TFG: variants seen among roughly 807,000 people sequenced by gnomAD.
TFG encodes trafficking from ER to golgi regulator, also known as protein TFG.
A neutral mutation model predicts 51.4 loss-of-function variants in TFG; 22 were observed. That is an observed-to-expected ratio of 0.43 (90% CI 0.31 to 0.61). The LOEUF is 0.61. Among genes scored for constraint, TFG ranks in the 20% least tolerant of loss-of-function variants. TFG has a pLI of 0.12. For missense variants in TFG, 419 were observed against 487.7 expected, an observed-to-expected ratio of 0.86 and a Z score of 1.33; for synonymous variants, 187 against 165.6, an observed-to-expected ratio of 1.13 and a Z score of -0.99.
chr3:100,716,679 C>T (rs1187009278), intron 2 of TFG, among the ~76,000 whole-genome samples: 1 of 152,160 alleles, frequency 6.6e-6, no homozygotes, highest in African/African-American at 2.4e-5. Context: ...GTTCCCTTTT[C>T]TCTTCATTCT....
intron 3 of TFG, among the ~76,000 whole-genome samples, chr3:100,726,924 T>G (rs377690337): frequency 5.5e-4 from 84 of 152,296 alleles, no homozygotes; most frequent in African/African-American, 1.9e-3. Flanking sequence ...GAGGAATGAA[T>G]CTTACTAAAT....
intron 2 of TFG, among the ~76,000 whole-genome samples, chr3:100,718,778 G>A (rs943646542): frequency 3.3e-5 from 5 of 151,820 alleles, no homozygotes; most frequent in Admixed American, 6.6e-5. Flanking sequence ...GGCTGGTCTC[G>A]AACTCCTGAC....
intron 3 of TFG, 39 bp downstream of exon 3, chr3:100,720,097 C>G: frequency 7.8e-7 from 1 of 1,281,652 alleles, no homozygotes; most frequent in Non-Finnish European, 1.1e-6. Context: ...CTATTTTATT[C>G]ATTGTATTTT....
chr3:100,744,660 C>T (rs995756151), intron 6 of TFG, 173 bp from the exon 7 acceptor site: 3 of 476,828 alleles, frequency 6.3e-6, no homozygotes, highest in African/African-American at 4.0e-5. Flanking sequence ...AGGAATCACA[C>T]TTCTAAAATG....
At chr3:100,739,900 CCAGGTTGGAGTGTACTGGCTTGATTA>C in intron 6 of TFG, among the ~76,000 whole-genome samples, 1 of 152,092 alleles carries the variant, frequency 6.6e-6, no homozygotes, top group East Asian at 1.9e-4. Flanking sequence ...ACTCTGTTGC[CCAGGTTGGAGTGTACTGGCTTGATTA>C]CAGCTCACCT....
chr3:100,713,903 T>A, intron 2 of TFG, 34 bp downstream of exon 2: 2 of 1,221,762 alleles, frequency 1.6e-6, no homozygotes, highest in Non-Finnish European at 2.2e-6. Flanking sequence ...TTTTAAAGTC[T>A]TTTTAAAAAA....
intron 6 of TFG, 75 bp downstream of exon 6, chr3:100,736,791 C>T (rs2095107909): frequency 6.8e-7 from 1 of 1,468,180 alleles, no homozygotes; most frequent in Admixed American, 1.9e-5. Flanking sequence ...GTTGTAAACA[C>T]TTCATGTATT....
intron 7 of TFG, among the ~76,000 whole-genome samples, chr3:100,746,630 C>CAT (rs2095135691): frequency 6.6e-6 from 1 of 151,696 alleles, no homozygotes; most frequent in South Asian, 2.1e-4. Flanking sequence ...CACACACACA[C>CAT]ATGATAGAAG....
At chr3:100,733,624 C>G (rs923934518) in intron 5 of TFG, among the ~76,000 whole-genome samples, 1 of 152,038 alleles carries the variant, frequency 6.6e-6, no homozygotes, top group African/African-American at 2.4e-5. Context: ...ACACACACTC[C>G]CCCCAACTCC....
intron 3 of TFG, among the ~76,000 whole-genome samples, chr3:100,723,829 C>T (rs2095067448): frequency 6.6e-6 from 1 of 150,590 alleles, no homozygotes; most frequent in Admixed American, 6.6e-5. Context: ...GGGAGAAATA[C>T]AGTTTTTTTT....
chr3:100,730,197 C>G (rs760197199), intron 4 of TFG, among the ~76,000 whole-genome samples: 31 of 152,096 alleles, frequency 2.0e-4, no homozygotes, highest in Middle Eastern at 6.8e-3. Context: ...GAGAATTTAA[C>G]CAGTATAGCC....
Position 100,728,840 on chromosome 3 carries a change from A to C in TFG, c.397A>C (p.Thr133Pro). The C allele has an allele frequency of 6.2e-7, 1 of 1,604,810 alleles. No individual in the cohort carries two copies. Among genetic ancestry groups the C allele is most frequent in the Non-Finnish European group, 8.5e-7 (1 of 1,176,372 alleles). Residue 133 changes from threonine (T) to proline (P), a missense_variant, in exon 4 of 8, where the codon ACC (threonine) becomes CCC (proline). Physicochemically the swap from Thr to Pro is conservative, Grantham distance 38. Around this residue, in one of 3 missense-constraint regions of TFG, gnomAD observed 391 missense variants for 434.4 expected, o/e 0.90. Transcript: ENST00000240851. ...ACCACCTGGAGAACCAGGACCTTCC[A>C]CCAATATTCCTGAAAATGGTAAACC... The part of the protein sequence containing the change: ...LEPPGEPGPS[T>P]NIPENDTVDG...
intron 4 of TFG, 108 bp downstream of exon 4, chr3:100,728,966 T>C (rs1275043932): frequency 1.0e-6 from 1 of 960,042 alleles, no homozygotes; most frequent in Non-Finnish European, 1.5e-6. Flanking sequence ...ATGTCACTCT[T>C]GTTTCTTCCT....
intron 4 of TFG, among the ~76,000 whole-genome samples, chr3:100,730,950 A>G (rs2095089932): frequency 6.6e-6 from 1 of 152,198 alleles, no homozygotes; most frequent in Non-Finnish European, 1.5e-5. Context: ...GGTAGGGAAG[A>G]TAGATAACTG....
intron 3 of TFG, among the ~76,000 whole-genome samples, chr3:100,720,592 C>T (rs960309737): frequency 1.3e-5 from 2 of 152,210 alleles, no homozygotes; most frequent in African/African-American, 4.8e-5. Flanking sequence ...TCTAATGCCA[C>T]TGCTGAACTG....
At chr3:100,746,509 TAAAA>T (rs986010186) in intron 7 of TFG, among the ~76,000 whole-genome samples, 4 of 149,090 alleles carry the variant, frequency 2.7e-5, no homozygotes, top group Non-Finnish European at 4.5e-5. Flanking sequence ...TCCTATGTAT[TAAAA>T]AAAAAACTCA....
chr3:100,733,816 C>T (rs531634711), intron 5 of TFG, among the ~76,000 whole-genome samples: 1 of 152,062 alleles, frequency 6.6e-6, no homozygotes, highest in Non-Finnish European at 1.5e-5. Context: ...GAAAAGCGCT[C>T]TCTAAAAGAA....
chr3:100,748,225 A>T lies in TFG; in HGVS notation c.897A>T (p.Ala299=). Residue 299 remains alanine, a synonymous_variant, in exon 8 of 8, where the codon GCA becomes GCT. Coordinates refer to ENST00000240851, the MANE Select transcript of TFG (RefSeq NM_006070.6). ...ATGGCCAGCAACCAACTTCCCAGGC[A>T]CCAGCTCCTGCCTTTTCTGGTCAGC... is the stretch of plus-strand genomic sequence containing the variant. ...QGYGQQPTSQ[A]PAPAFSGQPQ... is the part of the protein sequence containing the mutation. The T allele has an allele frequency of 6.2e-7, 1 of 1,614,124 alleles. No homozygotes were observed.
At chr3:100,736,528 G>T in intron 5 of TFG, 48 bp from the exon 6 acceptor site, 1 of 1,591,068 alleles carries the variant, frequency 6.3e-7, no homozygotes. Flanking sequence ...GCTTGCTGGG[G>T]GAAGGCCTTG....
Sources: gnomAD v4.1 joint callset for allele counts (sites outside exome capture counted in the v4.1 genomes callset) on GRCh38, gnomAD v4.1.1 for gene constraint, gnomAD v4.1.1 regional missense constraint, MANE v1.5 for transcripts, NCBI Gene and HGNC (gene_info 2026-07-23, HGNC 2026-07-21) for gene names.